Variants in UNC13C observed in about 807,000 individuals in gnomAD.
UNC13C encodes the protein protein unc-13 homolog C.
A neutral mutation model predicts 245.4 loss-of-function variants in UNC13C; 174 were observed. The ratio of observed to expected loss-of-function variants is 0.71; its 90% CI spans 0.63 to 0.80. The LOEUF is 0.80. Among genes scored for constraint, UNC13C ranks in the 30% least tolerant of loss-of-function variants. UNC13C has a pLI of 0.00. For synonymous variants in UNC13C, 992 were observed against 895.1 expected, an observed-to-expected ratio of 1.11 and a Z score of -1.93; for missense variants, 2,829 against 2,602.9, an observed-to-expected ratio of 1.09 and a Z score of -1.89.
chr15:54,285,263 T>C (rs1468773692), intron 10 of UNC13C, among the ~76,000 whole-genome samples: 1 of 152,184 alleles, frequency 6.6e-6, no homozygotes, highest in Non-Finnish European at 1.5e-5. Flanking sequence ...CTCTTTTTTT[T>C]TTTAAACTCC....
chr15:54,602,861 G>A (rs1381921943), intron 30 of UNC13C, among the ~76,000 whole-genome samples: 3 of 9,508 alleles, frequency 3.2e-4, no homozygotes, highest in African/African-American at 8.1e-3. Context: ...TCTTTTAAAC[G>A]TGATGTCTTT....
intron 2 of UNC13C, among the ~76,000 whole-genome samples, chr15:54,137,494 T>C (rs2031797864): frequency 6.6e-6 from 1 of 152,226 alleles, no homozygotes; most frequent in Non-Finnish European, 1.5e-5. Context: ...ACTACTTCCA[T>C]GTTGTTACTC....
At position 54,525,534 on chromosome 15, in the gene UNC13C, A is replaced by G. The variant is rs1326244681; in HGVS notation, c.5458-15A>G. The G allele has an allele frequency of 1.2e-6, 2 of 1,604,050 alleles. No homozygotes were observed. Among genetic ancestry groups the G allele is most frequent in the Non-Finnish European group, 1.7e-6 (2 of 1,173,444 alleles). ...TCAAAACTCCAAAGTAATATTGTTT[A>G]TGGTCTCTCTGCAGCTAGATTCTGA... On this transcript the variant is annotated splice_polypyrimidine_tract_variant and intron_variant, in intron 24 of 32. Transcript: ENST00000260323.
rs746405709 is a variant in UNC13C, at chr15:54,525,644, G to A, written c.5546+7G>A. ...GCGTCACTTATGGTGAAAGGTAAGT[G>A]GCCTCTGTTGTCATTATCTAAATTA... On this transcript the variant is annotated splice_region_variant and intron_variant, in intron 25 of 32. Coordinates refer to ENST00000260323, the MANE Select transcript of UNC13C (RefSeq NM_001080534.3). The A allele has an allele frequency of 6.2e-6, 10 of 1,607,666 alleles. No individual in the cohort carries two copies. The highest frequency in any genetic ancestry group is 8.5e-6 in the Non-Finnish European group (10 of 1,176,460).
At chr15:54,539,979 C>A (rs1442583562) in intron 26 of UNC13C, among the ~76,000 whole-genome samples, 2 of 151,942 alleles carry the variant, frequency 1.3e-5, no homozygotes, top group Non-Finnish European at 2.9e-5. Context: ...AATCTATGAG[C>A]TTTAAGCATT....
chr15:54,497,226 A>G (rs941774412), intron 20 of UNC13C, among the ~76,000 whole-genome samples: 2 of 152,180 alleles, frequency 1.3e-5, no homozygotes, highest in East Asian at 3.8e-4. Flanking sequence ...AAAGGCAACC[A>G]GGACTTGAGA....
At chr15:54,445,375 A>G (rs1008041135) in intron 19 of UNC13C, among the ~76,000 whole-genome samples, 4 of 151,548 alleles carry the variant, frequency 2.6e-5, no homozygotes, top group African/African-American at 9.6e-5. Context: ...GGGAATGGGC[A>G]CACTGTCTTC....
At chr15:54,122,640 T>C (rs1017320862) in intron 2 of UNC13C, among the ~76,000 whole-genome samples, 4 of 152,030 alleles carry the variant, frequency 2.6e-5, no homozygotes, top group African/African-American at 9.7e-5. Context: ...TAGTCAATTA[T>C]CTTTGCTGTG....
chr15:54,256,746 A>AG (rs1256893636), intron 8 of UNC13C, among the ~76,000 whole-genome samples: 1 of 152,210 alleles, frequency 6.6e-6, no homozygotes, highest in Non-Finnish European at 1.5e-5. Context: ...GTATTCCTGA[A>AG]GGCTTTGGAA....
At chr15:54,171,076 T>C (rs1478115811) in intron 4 of UNC13C, among the ~76,000 whole-genome samples, 1 of 152,184 alleles carries the variant, frequency 6.6e-6, no homozygotes. Flanking sequence ...GTACACATGC[T>C]TATATAACCA....
Position 54,415,164 on chromosome 15 carries a change from C to T in UNC13C, c.4933+97C>T. 4.7e-6 allele frequency: 4 copies of T among 854,454 alleles called. No homozygotes were observed. The South Asian group carries it at 5.6e-5, about 12-fold the overall frequency. 52.9% of individuals were successfully genotyped at this position (854,454 alleles called of 1,614,324 possible). The stretch of plus-strand genomic sequence containing the variant: ...AATGTTGAGAATTGAAACATTAAAA[C>T]ACTGATTACTGTGATCAGTTTAGTT... On this transcript the variant is annotated intron_variant, in intron 19 of 32. Coordinates refer to ENST00000260323, the MANE Select transcript of UNC13C (RefSeq NM_001080534.3).
At chr15:54,439,940 T>C (rs1421752220) in intron 19 of UNC13C, among the ~76,000 whole-genome samples, 1 of 151,978 alleles carries the variant, frequency 6.6e-6, no homozygotes, top group Non-Finnish European at 1.5e-5. Context: ...TCACCCCCAC[T>C]CCTACCCATA....
chr15:54,338,487 C>T lies in UNC13C; in HGVS notation c.4711C>T (p.Pro1571Ser). 1 of 1,612,196 alleles carries T rather than the reference C, an allele frequency of 6.2e-7. No individual in the cohort carries two copies. The highest frequency in any genetic ancestry group is 1.7e-4 in the Middle Eastern group (1 of 6,052). ...CHELYSQLTD[P>S]SKKQDIPRED... ...TGAACTCTACTCCCAGCTAACAGAC[C>T]CGGTAAGAAAATATGTATGTCTTTT... Residue 1571 changes from proline to serine, a missense_variant and splice_region_variant, in exon 17 of 33, where the codon CCG becomes TCG. Transcript: ENST00000260323.
intron 30 of UNC13C, among the ~76,000 whole-genome samples, chr15:54,591,931 G>A (rs964740863): frequency 6.6e-6 from 1 of 151,868 alleles, no homozygotes; most frequent in Admixed American, 6.6e-5. Flanking sequence ...AGGTGTTTAG[G>A]GTTATGAACT....
At chr15:54,193,147 G>A (rs1318936163) in intron 4 of UNC13C, among the ~76,000 whole-genome samples, 1 of 152,100 alleles carries the variant, frequency 6.6e-6, no homozygotes, top group African/African-American at 2.4e-5. Context: ...AGTACTAAGT[G>A]AGATGATATT....
intron 30 of UNC13C, among the ~76,000 whole-genome samples, chr15:54,614,250 T>G (rs1287094696): frequency 6.6e-6 from 1 of 151,998 alleles, no homozygotes; most frequent in African/African-American, 2.4e-5. Context: ...AACACCATAT[T>G]GCATAGAACT....
chr15:54,181,711 C>A (rs1159230911), intron 4 of UNC13C, among the ~76,000 whole-genome samples: 2 of 151,760 alleles, frequency 1.3e-5, no homozygotes, highest in Admixed American at 1.3e-4. Context: ...TTTGTTTCAC[C>A]TATAATTTCT....
At chr15:54,365,437 T>C (rs2039342397) in intron 17 of UNC13C, among the ~76,000 whole-genome samples, 1 of 152,020 alleles carries the variant, frequency 6.6e-6, no homozygotes, top group African/African-American at 2.4e-5. Context: ...ATATTCAGTC[T>C]ATACAACTTG....
At chr15:53,918,243 C>T in the UNC13C span, among the ~76,000 whole-genome samples, 50 of 152,182 alleles carry the variant, frequency 3.3e-4, no homozygotes, top group East Asian at 9.5e-3. Context: ...GTCTTCAGCC[C>T]CTGAGTGTGC....
Sources: gnomAD v4.1 joint callset for allele counts (sites outside exome capture counted in the v4.1 genomes callset) on GRCh38, gnomAD v4.1.1 for gene constraint, MANE v1.5 for transcripts, NCBI Gene and HGNC (gene_info 2026-07-23, HGNC 2026-07-21) for gene names.